The following UNC80 variants were observed in gnomAD, a reference collection of about 807,000 sequenced individuals.
UNC80 encodes the protein unc-80 subunit of NALCN channel complex.
Under a neutral mutation model 384.6 loss-of-function variants are expected in UNC80, and 164 were observed. That is an observed-to-expected ratio of 0.43 (90% CI 0.38 to 0.49). The LOEUF is 0.49. Ranked by LOEUF, UNC80 falls within the 20% of genes least tolerant of loss-of-function variation. The pLI, the probability that UNC80 is intolerant of heterozygous loss-of-function variation, is 0.00. For synonymous variants in UNC80, 1,486 were observed against 1,527.8 expected (o/e 0.97, Z 0.64); for missense variants, 3,330 against 4,143.0 (o/e 0.80, Z 5.39).
intron 7 of UNC80, among the ~76,000 whole-genome samples, chr2:209,802,061 G>C (rs1158646759): frequency 6.6e-6 from 1 of 152,022 alleles, no homozygotes; most frequent in Non-Finnish European, 1.5e-5. Flanking sequence ...ATGGCGATAA[G>C]CATTTAAAAT....
chr2:209,802,230 C>G (rs1470884842), intron 7 of UNC80, among the ~76,000 whole-genome samples: 1 of 152,056 alleles, frequency 6.6e-6, no homozygotes, highest in Non-Finnish European at 1.5e-5. Context: ...CTTTAGTGAT[C>G]TGTTGCACAG....
At chr2:209,846,360 A>T (rs1366636686) in intron 21 of UNC80, among the ~76,000 whole-genome samples, 1 of 152,108 alleles carries the variant, frequency 6.6e-6, no homozygotes, top group Non-Finnish European at 1.5e-5. Context: ...TCATTTTAAA[A>T]ATCATGTTGT....
intron 59 of UNC80, among the ~76,000 whole-genome samples, chr2:209,979,836 AAAC>A (rs1291925263): frequency 1.3e-5 from 2 of 152,248 alleles, no homozygotes; most frequent in African/African-American, 4.8e-5. Flanking sequence ...TCTCCATACC[AAAC>A]AACAACAAAA....
At chr2:209,935,836 T>C (rs1439864246) in intron 40 of UNC80, 28 bp downstream of exon 40, 19 of 1,431,024 alleles carry the variant, frequency 1.3e-5, no homozygotes, top group Non-Finnish European at 1.8e-5. Flanking sequence ...CAGAAACAAT[T>C]TTTAAGGACA....
rs1276441037 is a variant in UNC80, at chr2:209,913,928, G to A, written c.5017G>A (p.Ala1673Thr). The A allele has an allele frequency of 1.9e-6, 3 of 1,546,832 alleles. No homozygotes were observed. The highest frequency in any genetic ancestry group is 1.7e-6 in the Non-Finnish European group (2 of 1,143,534). The change falls in exon 31 of 65, where the codon GCA becomes ACA. Residue 1673 changes from alanine to threonine, a missense_variant. This residue lies in a region of UNC80 where 801 missense variants were observed against 950.8 expected (regional missense o/e 0.84). Coordinates refer to ENST00000673920, the MANE Select transcript of UNC80 (RefSeq NM_001371986.1). The part of the protein sequence containing the change: ...ELLLSMDEHM[A>T]GAAAAMFLLC... ...CCTGCTCAGCATGGATGAGCACATG[G>A]CAGGGGCAGCAGGTAAAGAAAGACC...
chr2:209,899,897 C>T (rs190600499), intron 28 of UNC80, among the ~76,000 whole-genome samples: 11 of 152,336 alleles, frequency 7.2e-5, no homozygotes, highest in Admixed American at 6.5e-4. Flanking sequence ...CCTCATTTCT[C>T]TACAGGGACT....
chr2:209,831,635 C>A, intron 16 of UNC80, 44 bp downstream of exon 16: 3 of 1,460,020 alleles, frequency 2.1e-6, no homozygotes, highest in Non-Finnish European at 2.7e-6. Context: ...TCAGTCTCTG[C>A]CCTGAGAAAA....
intron 7 of UNC80, among the ~76,000 whole-genome samples, chr2:209,803,260 C>T (rs1574505920): frequency 6.6e-6 from 1 of 152,190 alleles, no homozygotes; most frequent in Non-Finnish European, 1.5e-5. Flanking sequence ...GGGCGTTTCT[C>T]CTAAAATCTG....
At position 209,786,098 on chromosome 2, in the gene UNC80, G is replaced by A; in HGVS notation, c.633G>A (p.Gly211=). 1 of 1,613,990 alleles carries A rather than the reference G, an allele frequency of 6.2e-7. No homozygotes were observed. Among genetic ancestry groups the A allele is most frequent in the Non-Finnish European group, 8.5e-7 (1 of 1,179,942 alleles). ...ACCTCACCTTCCGTCTGGCCAGTGG[G>A]CTTGTTATATGGCAGCCCATGTGGG... ...ESDLTFRLAS[G]LVIWQPMWEH... is the part of the protein sequence containing the mutation. The change falls in exon 5 of 65, where the codon GGG becomes GGA. Residue 211 remains glycine, a synonymous_variant. Coordinates refer to ENST00000673920, the MANE Select transcript of UNC80 (RefSeq NM_001371986.1).
chr2:209,782,417 C>A (rs1386787671), intron 4 of UNC80, among the ~76,000 whole-genome samples: 1 of 152,096 alleles, frequency 6.6e-6, no homozygotes, highest in Middle Eastern at 3.2e-3. Flanking sequence ...TAAACTCCTA[C>A]TTATCCTTTA....
intron 29 of UNC80, among the ~76,000 whole-genome samples, chr2:209,912,145 T>G (rs2089022008): frequency 6.6e-6 from 1 of 152,190 alleles, no homozygotes; most frequent in South Asian, 2.1e-4. Flanking sequence ...AAGGGACTAT[T>G]GGATAGAGTG....
At chr2:209,943,168 T>G (rs2124981292) in intron 44 of UNC80, among the ~76,000 whole-genome samples, 1 of 152,324 alleles carries the variant, frequency 6.6e-6, no homozygotes, top group South Asian at 2.1e-4. Flanking sequence ...AGTCACAAAC[T>G]TCCTGGAAAG....
chr2:209,926,343 T>A (rs1403058528), intron 35 of UNC80, among the ~76,000 whole-genome samples: 1 of 152,244 alleles, frequency 6.6e-6, no homozygotes, highest in Non-Finnish European at 1.5e-5. Flanking sequence ...ACTCGGAAAG[T>A]GGGCTGGTTT....
chr2:209,775,864 ATTGT>A, intron 2 of UNC80, 21 bp from the exon 3 acceptor site: 2 of 1,602,438 alleles, frequency 1.2e-6, no homozygotes, highest in Non-Finnish European at 1.7e-6. Context: ...GGCTTTTCTT[ATTGT>A]TTTTGTTTTT....
At chr2:209,948,530 A>AT (rs1278778224) in intron 47 of UNC80, among the ~76,000 whole-genome samples, 1 of 152,128 alleles carries the variant, frequency 6.6e-6, no homozygotes, top group Non-Finnish European at 1.5e-5. Flanking sequence ...AGTTATCAGT[A>AT]TTTTTTATTT....
At chr2:209,876,762 T>G (rs1232262382) in intron 23 of UNC80, among the ~76,000 whole-genome samples, 1 of 152,198 alleles carries the variant, frequency 6.6e-6, no homozygotes, top group Non-Finnish European at 1.5e-5. Context: ...ACTTACCCGG[T>G]TAGCAGCTAA....
At chr2:209,900,199 TTACTC>T (rs1168057999) in intron 28 of UNC80, among the ~76,000 whole-genome samples, 3 of 152,216 alleles carry the variant, frequency 2.0e-5, no homozygotes, top group African/African-American at 4.8e-5. Flanking sequence ...TTATTGTACT[TTACTC>T]TACTGTGCTT....
At chr2:209,796,681 G>A (rs1366953846) in intron 7 of UNC80, 1 of 164,548 alleles carries the variant, frequency 6.1e-6, no homozygotes, top group African/African-American at 2.4e-5. Flanking sequence ...GGGTTTATCA[G>A]GGGTTTCTTC....
At chr2:209,806,392 C>T (rs540487124) in intron 7 of UNC80, among the ~76,000 whole-genome samples, 8 of 152,150 alleles carry the variant, frequency 5.3e-5, no homozygotes, top group Non-Finnish European at 1.2e-4. Context: ...TGTCAATACT[C>T]AAGCTCTCTC....
Sources: gnomAD v4.1 joint callset for allele counts (sites outside exome capture counted in the v4.1 genomes callset) on GRCh38, gnomAD v4.1.1 for gene constraint, gnomAD v4.1.1 regional missense constraint, MANE v1.5 for transcripts, NCBI Gene and HGNC (gene_info 2026-07-23, HGNC 2026-07-21) for gene names.